The following FGR variants were observed in gnomAD, a reference collection of about 807,000 sequenced individuals.
The protein encoded by FGR is tyrosine-protein kinase Fgr.
FGR carries 26 observed loss-of-function variants against 63.2 expected under a neutral mutation model. The ratio of observed to expected loss-of-function variants is 0.41; its 90% CI spans 0.30 to 0.57. The LOEUF (loss-of-function observed/expected upper bound fraction) is 0.57, where lower values mean the gene tolerates loss of function less well. FGR is among the 20% of genes least tolerant of loss of function. The pLI is 0.27. For missense variants in FGR, 511 were observed against 690.8 expected (o/e 0.74, Z 2.92); for synonymous variants, 286 against 277.7 (o/e 1.03, Z -0.30).
Position 27,617,236 on chromosome 1 carries a change from G to A in FGR, c.489C>T (p.Asn163=), listed in dbSNP as rs968554929. The part of the protein sequence containing the change: ...DAERQLLSPG[N]PQGAFLIRES... ...CCCGAATGAGAAAGGCCCCCTGGGGGTTGCCTGGTGAAAGCAGCTGCCTCT... is the reference window on the plus strand; with the variant it reads ...CCCGAATGAGAAAGGCCCCCTGGGGATTGCCTGGTGAAAGCAGCTGCCTCT... The change falls in exon 6 of 13, where the codon AAC becomes AAT. Residue 163 remains asparagine (N), a synonymous_variant. Coordinates refer to ENST00000374005, the MANE Select transcript of FGR (RefSeq NM_005248.3). The surrounding 1 kb of genome is among the most constrained non-coding windows in gnomAD (Gnocchi z 4.5). 3 of 1,614,032 alleles carry A rather than the reference G, an allele frequency of 1.9e-6. No homozygotes were observed. The highest frequency in any genetic ancestry group is 1.7e-5 in the Admixed American group (1 of 60,010).
rs779198823 is a variant in FGR at position 27,617,326 on chromosome 1, A to G, written c.429-30T>C. On this transcript the variant is annotated intron_variant, in intron 5 of 12. Coordinates refer to ENST00000374005, the MANE Select transcript of FGR (RefSeq NM_005248.3). The surrounding 1 kb of genome is among the most constrained non-coding windows in gnomAD (Gnocchi z 4.5). ...TGGGAAAGGCAGGCAAGAGTCAGGT[A>G]CGCTCTGCTCAAACCTCACCTCAGC... is the stretch of plus-strand genomic sequence containing the variant. The G allele has an allele frequency of 1.4e-5, 22 of 1,545,550 alleles. No homozygotes were observed. In the South Asian group the frequency reaches 1.7e-4, roughly 12 times the overall value.
intron 4 of FGR, among the ~76,000 whole-genome samples, chr1:27,622,509 T>A (rs975986698): frequency 2.5e-4 from 38 of 151,952 alleles, no homozygotes; most frequent in Non-Finnish European, 4.0e-4. Flanking sequence ...TTTTTAATTA[T>A]TTATTTATTT....
rs1344966341 is a variant in FGR at position 27,612,455 on chromosome 1, C to T, written c.*459G>A. On this transcript the variant is annotated 3_prime_UTR_variant, in exon 13 of 13. Coordinates refer to ENST00000374005, the MANE Select transcript of FGR (RefSeq NM_005248.3). The stretch of plus-strand genomic sequence containing the variant: ...TGCATCCACCCAGCAGGAAAGGGGT[C>T]CAGCCAAGACTTTTCCTGACTTTGT... 1 of 162,396 alleles carries T rather than the reference C, an allele frequency of 6.2e-6. No individual in the cohort carries two copies. The highest frequency in any genetic ancestry group is 1.8e-4 in the East Asian group (1 of 5,510). 10.1% of individuals were successfully genotyped at this position (162,396 alleles called of 1,614,324 possible). A position where few individuals can be genotyped will look rare whatever the true frequency, so the allele number is the denominator to read the frequency against.
At chr1:27,624,109 C>T (rs1571398090) in intron 2 of FGR, 180 bp from the exon 3 acceptor site, 2 of 562,228 alleles carry the variant, frequency 3.6e-6, no homozygotes, top group East Asian at 5.8e-5. Context: ...ACCGTTCAGT[C>T]TGCCTCACAG....
Position 27,615,315 on chromosome 1 carries a change from T to G in FGR, c.1018+119A>C. ...CCAGTCGTTTTACACACCTGGTCCC[T>G]TAGTGGGACTCTGCCCATTGTCCCT... On this transcript the variant is annotated intron_variant, in intron 9 of 12. Coordinates refer to ENST00000374005, the MANE Select transcript of FGR (RefSeq NM_005248.3). This position sits in a 1 kb window ranked among gnomAD's most constrained non-coding sequence, Gnocchi z 7.6. The G allele has an allele frequency of 1.7e-6, 2 of 1,175,320 alleles. No individual in the cohort carries two copies. The highest frequency in any genetic ancestry group is 1.2e-6 in the Non-Finnish European group (1 of 824,368). 72.8% of individuals were successfully genotyped at this position (1,175,320 alleles called of 1,614,324 possible).
intron 5 of FGR, among the ~76,000 whole-genome samples, chr1:27,620,039 G>A (rs191277964): frequency 3.5e-4 from 54 of 152,266 alleles, no homozygotes; most frequent in African/African-American, 7.5e-4. Flanking sequence ...TCAAGGGGCC[G>A]GACACGGTGG....
intron 1 of FGR, among the ~76,000 whole-genome samples, chr1:27,632,202 T>C (rs982700387): frequency 6.6e-6 from 1 of 151,716 alleles, no homozygotes; most frequent in African/African-American, 2.4e-5. Context: ...GATGGTTCGA[T>C]CTCGGCTCAC....
chr1:27,625,822 C>T (rs1371355167), intron 1 of FGR, among the ~76,000 whole-genome samples: 2 of 152,152 alleles, frequency 1.3e-5, no homozygotes, highest in African/African-American at 4.8e-5. Context: ...GCCTGTAGTC[C>T]CAGCTACTTG....
In FGR at chr1:27,615,168, A is replaced by C. The variant is rs2089781614; in HGVS notation, c.1019-242T>G. Among the ~76,000 whole-genome samples, 1 of 146,410 alleles carries C rather than the reference A, an allele frequency of 6.8e-6. No homozygotes were observed. The highest frequency in any genetic ancestry group is 2.5e-5 in the African/African-American group (1 of 39,352). ...ACGACCCACCCAGACTCCGCCCCAG[A>C]CCCTCCCTCATTCCCGATTCTGCCT... On this transcript the variant is annotated intron_variant, in intron 9 of 12. Transcript: ENST00000374005. This position sits in a 1 kb window ranked among gnomAD's most constrained non-coding sequence, Gnocchi z 7.6.
At chr1:27,623,561 T>G in intron 3 of FGR, 130 bp downstream of exon 3, 1 of 916,688 alleles carries the variant, frequency 1.1e-6, no homozygotes, top group Non-Finnish European at 1.7e-6. Flanking sequence ...TCAGCCCATG[T>G]GATCTTGAAA....
chr1:27,612,836 TG>T lies in FGR; in HGVS notation c.*77del. ...GACTCTATGGGGTTCTAAGCCAGCCTGGGGGCTTTGGAAGAACAGCTCTGGG... is the reference window on the plus strand; with the variant it reads ...GACTCTATGGGGTTCTAAGCCAGCCTGGGGCTTTGGAAGAACAGCTCTGGG... On this transcript the variant is annotated 3_prime_UTR_variant, in exon 13 of 13. Coordinates refer to ENST00000374005, the MANE Select transcript of FGR (RefSeq NM_005248.3). The T allele has an allele frequency of 1.4e-6, 2 of 1,414,356 alleles. No individual in the cohort carries two copies. Among genetic ancestry groups the T allele is most frequent in the Non-Finnish European group, 1.9e-6 (2 of 1,027,602 alleles). 87.6% of individuals were successfully genotyped at this position (1,414,356 alleles called of 1,614,324 possible).
rs942727362 is a variant in FGR at position 27,623,752 on chromosome 1, G to T, written c.165C>A (p.Asn55Lys). The part of the protein sequence containing the change: ...SSFAHIPNYS[N>K]FSSQAINPGF... ...CAGGGTTGATGGCCTGAGAGGAGAA[G>T]TTGCTGTAGTTGGGGATGTGGGCAA... Residue 55 changes from asparagine (N) to lysine (K), a missense_variant, in exon 3 of 13, where the codon AAC becomes AAA. By Grantham distance (94) the Asn-to-Lys change is moderately conservative. Coordinates refer to ENST00000374005, the MANE Select transcript of FGR (RefSeq NM_005248.3). The T allele has an allele frequency of 1.9e-6, 3 of 1,614,130 alleles. No individual in the cohort carries two copies. Among genetic ancestry groups the T allele is most frequent in the African/African-American group, 1.3e-5 (1 of 74,936 alleles).
chr1:27,615,387 T>A lies in FGR; in HGVS notation c.1018+47A>T. 6.4e-7 allele frequency: 1 copy of A among 1,570,626 alleles called. No individual in the cohort carries two copies. Among genetic ancestry groups the A allele is most frequent in the Non-Finnish European group, 8.7e-7 (1 of 1,151,536 alleles). On this transcript the variant is annotated intron_variant, in intron 9 of 12. Coordinates refer to ENST00000374005, the MANE Select transcript of FGR (RefSeq NM_005248.3). The surrounding 1 kb of genome is among the most constrained non-coding windows in gnomAD (Gnocchi z 7.6). ...CAGGTCCCACGCCTGAAAACTCCCC[T>A]CTTAACTTCACCCCGAATCCCGCCC...
intron 1 of FGR, among the ~76,000 whole-genome samples, chr1:27,632,175 C>T (rs1181583857): frequency 6.0e-5 from 9 of 149,156 alleles, no homozygotes; most frequent in South Asian, 2.1e-4. Context: ...CTCATTCTGT[C>T]GCCAAGGCTG....
chr1:27,631,990 C>T (rs1055130063), intron 1 of FGR, among the ~76,000 whole-genome samples: 1 of 152,074 alleles, frequency 6.6e-6, no homozygotes, highest in Non-Finnish European at 1.5e-5. Flanking sequence ...TCACTAGGCC[C>T]TATCCCTCAG....
At chr1:27,623,962 C>T (rs376196477) in intron 2 of FGR, 33 bp from the exon 3 acceptor site, 2 of 1,520,168 alleles carry the variant, frequency 1.3e-6, no homozygotes, top group African/African-American at 1.4e-5. Context: ...CTCAAGGACC[C>T]CTGCCAGGTG....
chr1:27,628,185 AC>A (rs1177475687), intron 1 of FGR, among the ~76,000 whole-genome samples: 4 of 150,150 alleles, frequency 2.7e-5, no homozygotes, highest in African/African-American at 1.0e-4. Flanking sequence ...AAAAAAAAAA[AC>A]AAAAAAAAAC....
intron 2 of FGR, among the ~76,000 whole-genome samples, chr1:27,624,512 C>A (rs1347562782): frequency 1.3e-5 from 2 of 152,084 alleles, no homozygotes; most frequent in Non-Finnish European, 2.9e-5. Flanking sequence ...TGTACATGTG[C>A]GTCTTTGTGT....
In FGR at chr1:27,615,468, C is replaced by T; in HGVS notation, c.984G>A (p.Glu328=). 6.2e-7 allele frequency: 1 copy of T among 1,608,838 alleles called. No homozygotes were observed. Among genetic ancestry groups the T allele is most frequent in the Non-Finnish European group, 8.5e-7 (1 of 1,175,560 alleles). Residue 328 remains glutamate, a synonymous_variant, in exon 9 of 13, where the codon GAG becomes GAA. Transcript: ENST00000374005. This position sits in a 1 kb window ranked among gnomAD's most constrained non-coding sequence, Gnocchi z 7.6. ...TGAACTCGGTCACGATGTAGATGGG[C>T]TCCTCCGACACCACGGCGTACAGCT... is the stretch of plus-strand genomic sequence containing the variant. The part of the protein sequence containing the change: ...LVQLYAVVSE[E]PIYIVTEFMC...
Sources: gnomAD v4.1 joint callset for allele counts (sites outside exome capture counted in the v4.1 genomes callset) on GRCh38, gnomAD v4.1.1 for gene constraint, Gnocchi (gnomAD v3.1) non-coding constraint, MANE v1.5 for transcripts, NCBI Gene and HGNC (gene_info 2026-07-23, HGNC 2026-07-21) for gene names.